FAM13A: variants seen among roughly 807,000 people sequenced by gnomAD.
FAM13A encodes protein FAM13A.
Under a neutral mutation model 129.6 loss-of-function variants are expected in FAM13A, and 76 were observed. That is an observed-to-expected ratio of 0.59 (90% CI 0.49 to 0.71). The LOEUF is 0.71. FAM13A is among the 30% of genes least tolerant of loss of function. FAM13A has a pLI of 0.00. For missense variants in FAM13A, 1,108 were observed against 1,249.3 expected, an observed-to-expected ratio of 0.89 and a Z score of 1.70; for synonymous variants, 443 against 449.9, an observed-to-expected ratio of 0.98 and a Z score of 0.20.
chr4:88,734,192 T>C (rs1386720776), intron 21 of FAM13A, among the ~76,000 whole-genome samples: 1 of 152,186 alleles, frequency 6.6e-6, no homozygotes, highest in African/African-American at 2.4e-5. Flanking sequence ...TTTTGATAGA[T>C]GTAGTATTTG....
At chr4:88,932,754 C>T (rs1007412822) in intron 5 of FAM13A, among the ~76,000 whole-genome samples, 12 of 152,194 alleles carry the variant, frequency 7.9e-5, no homozygotes, top group Non-Finnish European at 1.6e-4. Context: ...AAAAAATGAG[C>T]TTTGTGGTCA....
At chr4:88,748,637 CT>C (rs140953189) in intron 17 of FAM13A, among the ~76,000 whole-genome samples, 13,460 of 152,274 alleles carry the variant, frequency 0.088, 791 homozygotes, top group Non-Finnish European at 0.13. Flanking sequence ...TACTTGTTTG[CT>C]TCTACCACCA....
intron 4 of FAM13A, among the ~76,000 whole-genome samples, chr4:88,973,254 A>G (rs1165242898): frequency 6.8e-6 from 1 of 147,580 alleles, no homozygotes; most frequent in East Asian, 2.0e-4. Context: ...TCCTTTCTCT[A>G]TTTCTTCTAC....
At chr4:88,825,831 TTA>T (rs1732897425) in intron 7 of FAM13A, among the ~76,000 whole-genome samples, 1 of 152,166 alleles carries the variant, frequency 6.6e-6, no homozygotes, top group African/African-American at 2.4e-5. Context: ...GTCAATTTTT[TTA>T]AAAAAATTAA....
chr4:88,754,728 G>T (rs1743288632), intron 14 of FAM13A, among the ~76,000 whole-genome samples: 1 of 152,132 alleles, frequency 6.6e-6, no homozygotes, highest in Admixed American at 6.6e-5. Context: ...TGTTCAATTA[G>T]TCTTGTTAAC....
Position 88,728,330 on chromosome 4 carries a change from T to G in FAM13A, c.*203A>C, listed in dbSNP as rs1736808414. 1 of 615,372 alleles carries G rather than the reference T, an allele frequency of 1.6e-6. No homozygotes were observed. Among genetic ancestry groups the G allele is most frequent in the African/African-American group, 1.8e-5 (1 of 54,204 alleles). 38.1% of individuals were successfully genotyped at this position (615,372 alleles called of 1,614,324 possible). The stretch of plus-strand genomic sequence containing the variant: ...CAGTCTTGACTTTCCAATTACAAAA[T>G]GCCTAAGTCAGGTCACATTGTCTTC... On this transcript the variant is annotated 3_prime_UTR_variant, in exon 24 of 24. Transcript: ENST00000264344.
intron 2 of FAM13A, among the ~76,000 whole-genome samples, chr4:89,024,898 C>A (rs1030725535): frequency 6.6e-6 from 1 of 152,150 alleles, no homozygotes; most frequent in Admixed American, 6.5e-5. Flanking sequence ...GTGGGCAATG[C>A]ATGTGTATTA....
intron 11 of FAM13A, among the ~76,000 whole-genome samples, chr4:88,778,465 T>C (rs1020665481): frequency 6.6e-6 from 1 of 152,154 alleles, no homozygotes; most frequent in Non-Finnish European, 1.5e-5. Context: ...ACCACTGCAG[T>C]GCACAACTCC....
chr4:88,994,161 A>G (rs1167090718), intron 3 of FAM13A, among the ~76,000 whole-genome samples: 1 of 152,184 alleles, frequency 6.6e-6, no homozygotes, highest in Non-Finnish European at 1.5e-5. Context: ...CCCACTGGAC[A>G]AGGATGTGAG....
intron 2 of FAM13A, among the ~76,000 whole-genome samples, chr4:89,022,320 T>A (rs1023415126): frequency 6.6e-6 from 1 of 152,146 alleles, no homozygotes; most frequent in Non-Finnish European, 1.5e-5. Flanking sequence ...AAAAAATCAA[T>A]CCTGAGAAAA....
intron 4 of FAM13A, among the ~76,000 whole-genome samples, chr4:88,954,119 G>A (rs1234817623): frequency 6.6e-6 from 1 of 152,148 alleles, no homozygotes; most frequent in Non-Finnish European, 1.5e-5. Context: ...GCTAAGTTAA[G>A]GTAGGTCTTG....
chr4:88,730,907 C>A (rs1737589882), intron 23 of FAM13A, among the ~76,000 whole-genome samples: 1 of 152,130 alleles, frequency 6.6e-6, no homozygotes, highest in South Asian at 2.1e-4. Context: ...TTCAAGCAAT[C>A]CTCCTGCCTT....
intron 1 of FAM13A, among the ~76,000 whole-genome samples, chr4:89,047,536 T>G (rs1215087052): frequency 6.6e-6 from 1 of 152,134 alleles, no homozygotes; most frequent in Non-Finnish European, 1.5e-5. Flanking sequence ...TAGAAATTGA[T>G]CAGAGATATA....
At chr4:88,803,397 T>C (rs898209533) in intron 8 of FAM13A, among the ~76,000 whole-genome samples, 1 of 152,172 alleles carries the variant, frequency 6.6e-6, no homozygotes, top group Non-Finnish European at 1.5e-5. Context: ...GTTCAGTAAA[T>C]ATATTATTGA....
intron 6 of FAM13A, among the ~76,000 whole-genome samples, chr4:88,870,462 T>C (rs1399193911): frequency 1.3e-5 from 2 of 152,172 alleles, no homozygotes; most frequent in Non-Finnish European, 2.9e-5. Flanking sequence ...TCTTAGCAAA[T>C]GGCACACCAG....
intron 4 of FAM13A, among the ~76,000 whole-genome samples, chr4:88,966,260 A>G (rs1759335383): frequency 6.6e-6 from 1 of 152,180 alleles, no homozygotes; most frequent in South Asian, 2.1e-4. Flanking sequence ...TAAACATTAG[A>G]CCCTTGTGAG....
At chr4:89,008,827 A>T (rs1765385948) in intron 3 of FAM13A, 1 of 152,218 alleles carries the variant, frequency 6.6e-6, no homozygotes, top group Admixed American at 6.5e-5. Flanking sequence ...GCTTATTGTT[A>T]TCTATTTATA....
chr4:88,787,553 A>T (rs886854082), intron 10 of FAM13A, among the ~76,000 whole-genome samples, 200 bp downstream of exon 10: 2 of 152,204 alleles, frequency 1.3e-5, no homozygotes, highest in African/African-American at 4.8e-5. Context: ...GATGAAACGG[A>T]AATATTTATG....
At chr4:88,922,888 A>T (rs1751376790) in intron 5 of FAM13A, among the ~76,000 whole-genome samples, 1 of 152,230 alleles carries the variant, frequency 6.6e-6, no homozygotes, top group East Asian at 1.9e-4. Flanking sequence ...ATCCCACAGA[A>T]ATTCAAACTA....
Sources: gnomAD v4.1 joint callset for allele counts (sites outside exome capture counted in the v4.1 genomes callset) on GRCh38, gnomAD v4.1.1 for gene constraint, MANE v1.5 for transcripts, NCBI Gene and HGNC (gene_info 2026-07-23, HGNC 2026-07-21) for gene names.